Variants in CMC1 observed in about 807,000 individuals in gnomAD.
CMC1 encodes C-X9-C motif containing 1.
In CMC1, 14 loss-of-function variants were observed where a neutral mutation model predicts 14.1. That is an observed-to-expected ratio of 0.99 (90% confidence interval 0.66 to 1.55). CMC1 has a LOEUF of 1.55. Among genes scored for constraint, CMC1 ranks in the 40% most tolerant of loss-of-function variants. The pLI is 0.00. For missense variants in CMC1, 127 were observed against 123.8 expected, an observed-to-expected ratio of 1.03 and a Z score of -0.12; for synonymous variants, 50 against 38.4, an observed-to-expected ratio of 1.30 and a Z score of -1.12.
chr3:28,283,838 C>T (rs1474498199), intron 2 of CMC1, among the ~76,000 whole-genome samples: 1 of 152,118 alleles, frequency 6.6e-6, no homozygotes, highest in African/African-American at 2.4e-5. Context: ...CTGAACTAGA[C>T]CATCCTAGGA....
chr3:28,251,066 C>T (rs1447789355), intron 1 of CMC1, among the ~76,000 whole-genome samples: 2 of 152,060 alleles, frequency 1.3e-5, no homozygotes, highest in East Asian at 3.8e-4. Flanking sequence ...TCCCTTGTCT[C>T]AGTTTGTTTT....
At position 28,325,019 on chromosome 3, in the gene CMC1, A is replaced by G. The variant is rs1435477009; in HGVS notation, c.*5390A>G. The G allele has an allele frequency of 6.6e-6, 1 of 150,726 alleles. No individual in the cohort carries two copies. Among genetic ancestry groups the G allele is most frequent in the Non-Finnish European group, 1.5e-5 (1 of 67,234 alleles). The allele number at this position is 150,726 out of a possible 1,614,324, so 9.3% of individuals were successfully genotyped here. On this transcript the variant is annotated 3_prime_UTR_variant, in exon 4 of 4. Transcript: ENST00000466830. Reference sequence around the variant, plus strand: ...TGAGACCCAAATGAAGTTTTTATATATCAAAGGCTTTTATGGATAAAGCAG... The same window carrying G: ...TGAGACCCAAATGAAGTTTTTATATGTCAAAGGCTTTTATGGATAAAGCAG...
chr3:28,306,916 G>A (rs1040733363), intron 2 of CMC1, among the ~76,000 whole-genome samples: 1 of 152,160 alleles, frequency 6.6e-6, no homozygotes, highest in African/African-American at 2.4e-5. Context: ...AGAGTGCTGG[G>A]ATTACAGGTG....
At chr3:28,263,083 T>G in intron 1 of CMC1, 1 of 485,666 alleles carries the variant, frequency 2.1e-6, no homozygotes, top group South Asian at 2.7e-5. Context: ...AACATGTTGC[T>G]TGTATTCCTC....
At chr3:28,284,579 G>A (rs1194488912) in intron 2 of CMC1, among the ~76,000 whole-genome samples, 1 of 152,138 alleles carries the variant, frequency 6.6e-6, no homozygotes, top group Non-Finnish European at 1.5e-5. Context: ...TAATGGATTA[G>A]CCAAAGGAAC....
intron 2 of CMC1, among the ~76,000 whole-genome samples, chr3:28,304,286 AT>A (rs1702195338): frequency 1.3e-5 from 2 of 152,064 alleles, no homozygotes; most frequent in African/African-American, 4.8e-5. Flanking sequence ...GATATTTTAT[AT>A]TCCTTTTGTC....
chr3:28,275,048 C>T (rs757543553), intron 2 of CMC1, among the ~76,000 whole-genome samples: 19 of 152,104 alleles, frequency 1.2e-4, no homozygotes, highest in Non-Finnish European at 2.6e-4. Flanking sequence ...GCTCCGTTAG[C>T]CCAGTGAAGT....
At chr3:28,300,585 TTCTA>T (rs1356915225) in intron 2 of CMC1, among the ~76,000 whole-genome samples, 2 of 150,050 alleles carry the variant, frequency 1.3e-5, no homozygotes, top group Admixed American at 6.7e-5. Context: ...CCAAAATGAT[TTCTA>T]TCTCTCTTCC....
At position 28,320,089 on chromosome 3, in the gene CMC1, TAAATC is replaced by T. The variant is rs1703138336; in HGVS notation, c.*461_*465del. On this transcript the variant is annotated 3_prime_UTR_variant, in exon 4 of 4. Transcript: ENST00000466830. Reference sequence around the variant, plus strand: ...CTTATTAGCTATACAGCTGTGGAAGTAAATCTAATACAGTTTGTGAGGATGTACTG... The same window carrying T: ...CTTATTAGCTATACAGCTGTGGAAGTTAATACAGTTTGTGAGGATGTACTG... The T allele has an allele frequency of 6.4e-6, 1 of 155,464 alleles. No homozygotes were observed. The highest frequency in any genetic ancestry group is 2.0e-4 in the South Asian group (1 of 5,084). 9.6% of individuals were successfully genotyped at this position (155,464 alleles called of 1,614,324 possible).
chr3:28,243,737 G>C (rs140134295), intron 1 of CMC1, among the ~76,000 whole-genome samples: 308 of 152,252 alleles, frequency 2.0e-3, no homozygotes, highest in African/African-American at 7.0e-3. Context: ...GTAGTACATA[G>C]GACAAACAAA....
chr3:28,319,099 A>G, intron 3 of CMC1: 1 of 366,862 alleles, frequency 2.7e-6, no homozygotes. Context: ...CTTGCCTTCT[A>G]TATGGATTTC....
chr3:28,284,929 T>TTA, intron 2 of CMC1, among the ~76,000 whole-genome samples: 1 of 152,312 alleles, frequency 6.6e-6, no homozygotes, highest in Admixed American at 6.5e-5. Flanking sequence ...ATCCTGTCAA[T>TTA]TATATGGCTG....
intron 3 of CMC1, chr3:28,317,676 A>G (rs564012142): frequency 2.6e-4 from 40 of 152,168 alleles, no homozygotes; most frequent in African/African-American, 9.6e-4. Context: ...AGAGAGGGCA[A>G]CCTGGGTTCA....
chr3:28,296,182 G>A (rs924080233), intron 2 of CMC1, among the ~76,000 whole-genome samples: 1 of 152,020 alleles, frequency 6.6e-6, no homozygotes, highest in Non-Finnish European at 1.5e-5. Context: ...AAACTAGAAT[G>A]TGACAGATAC....
chr3:28,255,307 C>A (rs1699336203), intron 1 of CMC1, among the ~76,000 whole-genome samples: 1 of 145,926 alleles, frequency 6.9e-6, no homozygotes, highest in African/African-American at 2.5e-5. Context: ...GTGGCATGAT[C>A]TCGGCTCACT....
chr3:28,243,321 G>A (rs1004838188), intron 1 of CMC1, among the ~76,000 whole-genome samples: 5 of 152,276 alleles, frequency 3.3e-5, no homozygotes, highest in African/African-American at 1.2e-4. Flanking sequence ...CTCCCAAAGT[G>A]CTGGGATTAC....
At chr3:28,291,815 G>A (rs536443895) in intron 2 of CMC1, 1 of 152,216 alleles carries the variant, frequency 6.6e-6, no homozygotes, top group East Asian at 1.9e-4. Flanking sequence ...GGCCAATGCA[G>A]TGTTTTTGTT....
chr3:28,311,477 T>C (rs1702637152), intron 2 of CMC1, among the ~76,000 whole-genome samples: 1 of 152,224 alleles, frequency 6.6e-6, no homozygotes, highest in Admixed American at 6.5e-5. Context: ...TGTGTGTCCC[T>C]GTGGCCTTGA....
chr3:28,253,858 A>G, intron 1 of CMC1: 1 of 535,632 alleles, frequency 1.9e-6, no homozygotes, highest in South Asian at 1.6e-5. Context: ...TTGAAAGGGC[A>G]TAACTTGCCC....
Sources: gnomAD v4.1 joint callset for allele counts (sites outside exome capture counted in the v4.1 genomes callset) on GRCh38, gnomAD v4.1.1 for gene constraint, MANE v1.5 for transcripts, NCBI Gene and HGNC (gene_info 2026-07-23, HGNC 2026-07-21) for gene names.